Variants in A2ML1 observed in about 807,000 individuals in gnomAD.
A2ML1 encodes the protein alpha-2-macroglobulin like 1.
A2ML1 carries 161 observed loss-of-function variants against 181.9 expected under a neutral mutation model. That is an observed-to-expected ratio of 0.89 (90% CI 0.78 to 1.01). The LOEUF (loss-of-function observed/expected upper bound fraction) is 1.01, where lower values mean the gene tolerates loss of function less well. Among genes scored for constraint, A2ML1 ranks in the 50% least tolerant of loss-of-function variants. A2ML1 has a pLI of 0.00. For missense variants in A2ML1, 1,670 were observed against 1,768.1 expected (o/e 0.94, Z 1.00); for synonymous variants, 663 against 666.8 (o/e 0.99, Z 0.09).
intron 14 of A2ML1, among the ~76,000 whole-genome samples, chr12:8,847,245 TAAAAAAAA>T (rs569093906): frequency 8.2e-6 from 1 of 121,806 alleles, no homozygotes. Context: ...CTGTCTCTAT[TAAAAAAAA>T]AAAAAAAAAA....
chr12:8,836,481 CTTTTTT>C, intron 7 of A2ML1, 142 bp downstream of exon 7: 152 of 389,626 alleles, frequency 3.9e-4, no homozygotes, highest in Middle Eastern at 2.1e-3. Flanking sequence ...TATCCAAGAC[CTTTTTT>C]TTTTTTTTTT....
rs774798529 is a variant in A2ML1, at chr12:8,841,546, G to C, written c.1248+10G>C. On this transcript the variant is annotated intron_variant, in intron 11 of 35. Coordinates refer to ENST00000299698, the MANE Select transcript of A2ML1 (RefSeq NM_144670.6). ...AGACGTTTCTCTGGAGGTAAGCATG[G>C]ACGGAGGACCAGCTTCCTAGAAAGG... 7.5e-6 allele frequency: 12 copies of C among 1,602,288 alleles called. No homozygotes were observed. The highest frequency in any genetic ancestry group is 1.7e-4 in the Middle Eastern group (1 of 6,018).
chr12:8,854,331 G>A (rs1439625615), intron 21 of A2ML1, 82 bp downstream of exon 21: 1 of 1,501,822 alleles, frequency 6.7e-7, no homozygotes, highest in East Asian at 2.3e-5. Flanking sequence ...GTCTCTCACA[G>A]CAACCATACT....
chr12:8,842,485 C>G (rs762089216), intron 11 of A2ML1, among the ~76,000 whole-genome samples: 8 of 152,294 alleles, frequency 5.3e-5, no homozygotes, highest in African/African-American at 1.4e-4. Flanking sequence ...TCCCAAAGTG[C>G]TGGGATTACA....
chr12:8,857,923 T>C (rs1944125334), intron 25 of A2ML1, 23 bp from the exon 26 acceptor site: 1 of 1,610,418 alleles, frequency 6.2e-7, no homozygotes, highest in Non-Finnish European at 8.5e-7. Context: ...CTTCATGCCA[T>C]ATTTTCCTCT....
chr12:8,879,218 G>A (rs776333916), downstream of A2ML1, among the ~76,000 whole-genome samples: 13 of 152,152 alleles, frequency 8.5e-5, no homozygotes, highest in South Asian at 2.7e-3. Flanking sequence ...GTTGTCAGGT[G>A]CAGCAGCTCA....
chr12:8,846,939 T>G (rs142592872), intron 14 of A2ML1, among the ~76,000 whole-genome samples: 24 of 152,018 alleles, frequency 1.6e-4, no homozygotes, highest in African/African-American at 5.5e-4. Flanking sequence ...CTGTCTATTT[T>G]TTTTATTTTT....
In A2ML1 at chr12:8,864,014, C is replaced by T; in HGVS notation, c.3717+6C>T. ...GGGGCTTCTCTTCTACTCAGGTAAA[C>T]AGCCTGTTCTCCCACTGCCACTTAT... On this transcript the variant is annotated splice_donor_region_variant and intron_variant, in intron 29 of 35. Coordinates refer to ENST00000299698, the MANE Select transcript of A2ML1 (RefSeq NM_144670.6). The T allele has an allele frequency of 6.2e-7, 1 of 1,609,594 alleles. No individual in the cohort carries two copies. Among genetic ancestry groups the T allele is most frequent in the Non-Finnish European group, 8.5e-7 (1 of 1,178,030 alleles).
rs1943730359 is a variant in A2ML1 at position 8,847,426 on chromosome 12, AC to A, written c.1684-122del. 3 of 1,212,762 alleles carry A rather than the reference AC, an allele frequency of 2.5e-6. No homozygotes were observed. In the African/African-American group the frequency reaches 4.6e-5, roughly 19 times the overall value. The allele number at this position is 1,212,762 out of a possible 1,614,324, so 75.1% of individuals were successfully genotyped here. On this transcript the variant is annotated intron_variant, in intron 14 of 35. Transcript: ENST00000299698. ...CTAGACTTTACAAAGAAAGATAAGT[AC>A]AAAAGTGAAAGAATGGGTTGGATGT... is the stretch of plus-strand genomic sequence containing the variant.
intron 3 of A2ML1, among the ~76,000 whole-genome samples, chr12:8,824,783 T>G (rs749756058): frequency 3.2e-4 from 49 of 152,210 alleles, no homozygotes; most frequent in Non-Finnish European, 5.7e-4. Context: ...ATTCTCTATC[T>G]CCACGACTTC....
At chr12:8,853,989 C>T (rs1206338247) in intron 20 of A2ML1, 139 bp from the exon 21 acceptor site, 12 of 1,136,636 alleles carry the variant, frequency 1.1e-5, no homozygotes, top group Non-Finnish European at 1.3e-5. Context: ...ATATGGGCCC[C>T]ACCCCAGGTC....
chr12:8,857,448 G>T, intron 24 of A2ML1, 59 bp from the exon 25 acceptor site: 2 of 1,609,262 alleles, frequency 1.2e-6, no homozygotes, highest in African/African-American at 1.3e-5. Context: ...ATCCTTGAAC[G>T]GCATGGGGGT....
intron 12 of A2ML1, among the ~76,000 whole-genome samples, chr12:8,844,363 A>T (rs1386694143): frequency 4.7e-5 from 7 of 149,250 alleles, no homozygotes; most frequent in Non-Finnish European, 1.0e-4. Context: ...TGGCCTCCCA[A>T]AGTGCTGGGA....
rs770113514 is a variant in A2ML1, at chr12:8,852,259, C to T, written c.2513C>T (p.Ala838Val). Residue 838 changes from alanine to valine, a missense_variant, in exon 20 of 36, where the codon GCA becomes GTA. Transcript: ENST00000299698. The surrounding 1 kb of genome is among the most constrained non-coding windows in gnomAD (Gnocchi z 4.2). The part of the protein sequence containing the change: ...KSHEYQLESW[A>V]DSQTSSCLCA... ...CATGAGTACCAGCTAGAATCATGGG[C>T]AGATTCTCAGACCTCCAGTTGTCTC... The T allele has an allele frequency of 1.9e-6, 3 of 1,614,090 alleles. No homozygotes were observed. The South Asian group carries it at 3.3e-5, about 18-fold the overall frequency.
Position 8,861,549 on chromosome 12 carries a change from G to A in A2ML1, c.3502+252G>A, listed in dbSNP as rs56206826. Among the ~76,000 whole-genome samples the A allele has an allele frequency of 0.061, 9,353 of 152,102 alleles. 407 individuals are homozygous for A. Among genetic ancestry groups the A allele is most frequent in the Non-Finnish European group, 0.087 (5,941 of 67,992 alleles). On this transcript the variant is annotated intron_variant, in intron 28 of 35. Coordinates refer to ENST00000299698, the MANE Select transcript of A2ML1 (RefSeq NM_144670.6). ...GTTGCCCAGGCTGGAGTGCAGTGGC[G>A]TGATCTCGGCTCACTCCAAGTTCCG... is the stretch of plus-strand genomic sequence containing the variant.
At position 8,838,368 on chromosome 12, in the gene A2ML1, G is replaced by A. The variant is rs199621515; in HGVS notation, c.888G>A (p.Val296=). 4.3e-6 allele frequency: 7 copies of A among 1,613,546 alleles called. No homozygotes were observed. In the South Asian group the frequency reaches 7.7e-5, roughly 18 times the overall value. The stretch of plus-strand genomic sequence containing the variant: ...AAACAGGATGTTTCTCAGCACCTGT[G>A]GACATGGCCACCTTTGACCTCATTG... ...TDKTGCFSAP[V]DMATFDLIGY... is the part of the protein sequence containing the mutation. The change falls in exon 9 of 36, where the codon GTG becomes GTA. Residue 296 remains valine (V), a synonymous_variant. Coordinates refer to ENST00000299698, the MANE Select transcript of A2ML1 (RefSeq NM_144670.6).
At chr12:8,827,560 T>C (rs777348597) in intron 3 of A2ML1, among the ~76,000 whole-genome samples, 4 of 152,348 alleles carry the variant, frequency 2.6e-5, no homozygotes, top group Admixed American at 1.3e-4. Context: ...GAATTCTCGA[T>C]CTGAAAGATC....
intron 4 of A2ML1, among the ~76,000 whole-genome samples, chr12:8,831,759 T>A (rs1024261148): frequency 1.3e-5 from 2 of 151,934 alleles, no homozygotes; most frequent in Admixed American, 1.3e-4. Flanking sequence ...TTGTTTTTGT[T>A]TTTTTTTGAG....
At chr12:8,849,441 C>A (rs747710059) in intron 16 of A2ML1, among the ~76,000 whole-genome samples, 17 of 152,272 alleles carry the variant, frequency 1.1e-4, no homozygotes, top group Non-Finnish European at 1.9e-4. Context: ...TTGGCAGAAC[C>A]ATTACATGTA....
Sources: gnomAD v4.1 joint callset for allele counts (sites outside exome capture counted in the v4.1 genomes callset) on GRCh38, gnomAD v4.1.1 for gene constraint, Gnocchi (gnomAD v3.1) non-coding constraint, MANE v1.5 for transcripts, NCBI Gene and HGNC (gene_info 2026-07-23, HGNC 2026-07-21) for gene names.